CPD: variants seen among roughly 807,000 people sequenced by gnomAD.
CPD encodes carboxypeptidase D, also known as metallocarboxypeptidase D.
CPD carries 69 observed loss-of-function variants against 138.3 expected under a neutral mutation model. The observed-to-expected ratio is 0.50, with a 90% CI of 0.41 to 0.61. The LOEUF is 0.61. Among genes scored for constraint, CPD ranks in the 20% least tolerant of loss-of-function variants. The pLI, the probability that CPD is intolerant of heterozygous loss-of-function variation, is 0.00. For synonymous variants in CPD, 651 were observed against 642.1 expected (o/e 1.01, Z -0.21); for missense variants, 1,432 against 1,733.3 (o/e 0.83, Z 3.09).
intron 2 of CPD, among the ~76,000 whole-genome samples, chr17:30,405,102 C>T (rs868824558): frequency 6.6e-5 from 10 of 152,030 alleles, no homozygotes; most frequent in African/African-American, 1.9e-4. Flanking sequence ...AGGACATGCC[C>T]GGAAGACATA....
intron 2 of CPD, among the ~76,000 whole-genome samples, chr17:30,412,657 GGCTTCGTGGGT>G (rs1911996866): frequency 1.3e-5 from 2 of 152,162 alleles, no homozygotes; most frequent in African/African-American, 4.8e-5. Flanking sequence ...CAGTGAATAA[GGCTTCGTGGGT>G]GTGGGACCCA....
rs946222162 is a variant in CPD, at chr17:30,445,879, C to T, written c.2732C>T (p.Ala911Val). ...GAAACTTTAATTAAAGACCTTTCAG[C>T]GGAGAATGGTTTGGAAAGCCTCATG... ...EFETLIKDLS[A>V]ENGLESLMLR... The change falls in exon 12 of 21, where the codon GCG becomes GTG. Residue 911 changes from alanine to valine, a missense_variant. Ala to Val is a moderately conservative substitution (Grantham distance 64). Around this residue, in one of 6 missense-constraint regions of CPD, gnomAD observed 124 missense variants for 117.0 expected, o/e 1.06. Coordinates refer to ENST00000225719, the MANE Select transcript of CPD (RefSeq NM_001304.5). 19 of 1,614,100 alleles carry T rather than the reference C, an allele frequency of 1.2e-5. No individual in the cohort carries two copies. Among genetic ancestry groups the T allele is most frequent in the Non-Finnish European group, 1.4e-5 (17 of 1,179,996 alleles).
In CPD at chr17:30,422,764, A is replaced by T; in HGVS notation, c.1398A>T (p.Val466=). 1 of 1,614,110 alleles carries T rather than the reference A, an allele frequency of 6.2e-7. No homozygotes were observed. Residue 466 remains valine, a synonymous_variant, in exon 5 of 21, where the codon GTA becomes GTT. Coordinates refer to ENST00000225719, the MANE Select transcript of CPD (RefSeq NM_001304.5). ...DFSLRPTVTS[V]IPDTTEAVST... is the part of the protein sequence containing the mutation. ...CTCTTAGGCCAACTGTAACTTCAGTAATCCCTGACACGACAGAGGCTGTAT... is the reference window on the plus strand; with the variant it reads ...CTCTTAGGCCAACTGTAACTTCAGTTATCCCTGACACGACAGAGGCTGTAT...
At chr17:30,414,172 T>C (rs1297172370) in intron 2 of CPD, among the ~76,000 whole-genome samples, 1 of 152,162 alleles carries the variant, frequency 6.6e-6, no homozygotes. Flanking sequence ...CTCTGAACTG[T>C]TTTGAACAGA....
rs1234346826 is a variant in CPD at position 30,401,390 on chromosome 17, CTCT to C, written c.994+16160_994+16162del. On this transcript the variant is annotated intron_variant, in intron 2 of 20. Transcript: ENST00000225719. Reference sequence around the variant, plus strand: ...CCTCTTCCTCTTCTTCCTCCTCTTCCTCTTCTTCCTCCTCCTCTTCTTCCTCTT... The same window carrying C: ...CCTCTTCCTCTTCTTCCTCCTCTTCCTCTTCCTCCTCCTCTTCTTCCTCTT... 8.2e-5 allele frequency among the ~76,000 whole-genome samples: 12 copies of C among 147,226 alleles called. No individual in the cohort carries two copies. The South Asian group carries it at 1.3e-3, about 16-fold the overall frequency.
chr17:30,456,345 A>G lies in CPD; in HGVS notation c.3427A>G (p.Lys1143Glu). 1 of 1,614,148 alleles carries G rather than the reference A, an allele frequency of 6.2e-7. No homozygotes were observed. The highest frequency in any genetic ancestry group is 8.5e-7 in the Non-Finnish European group (1 of 1,179,960). Residue 1143 changes from lysine to glutamate, a missense_variant, in exon 16 of 21, where the codon AAA (lysine) becomes GAA (glutamate). By Grantham distance (56) the Lys-to-Glu change is moderately conservative. Around this residue, in one of 6 missense-constraint regions of CPD, gnomAD observed 366 missense variants for 518.8 expected, o/e 0.71. Coordinates refer to ENST00000225719, the MANE Select transcript of CPD (RefSeq NM_001304.5). The stretch of plus-strand genomic sequence containing the variant: ...CATGGGTCAGCCCAGTTGCCCAAAT[A>G]AATCAGGTAGATGTTTTCCATACCT... ...MHMGQPSCPNKSDENIPGGVM... is the reference protein window; with the variant it reads ...MHMGQPSCPNESDENIPGGVM...
Position 30,455,464 on chromosome 17 carries a change from C to G in CPD, c.3331C>G (p.Gln1111Glu). Reference protein sequence around the residue: ...LVTYPYDKPVQTVENKETLKH... With the variant: ...LVTYPYDKPVETVENKETLKH... ...CACATATCCTTATGACAAGCCAGTA[C>G]AGACAGGTATGTAGAATGTCATTTT... The change falls in exon 15 of 21, where the codon CAG (glutamine) becomes GAG (glutamate). Residue 1111 changes from glutamine (Q) to glutamate (E), a missense_variant. Physicochemically the swap from Gln to Glu is conservative, Grantham distance 29 (BLOSUM62 2). This residue lies in a region of CPD where 366 missense variants were observed against 518.8 expected (regional missense o/e 0.71). Transcript: ENST00000225719. 1.9e-6 allele frequency: 3 copies of G among 1,611,520 alleles called. No individual in the cohort carries two copies. The highest frequency in any genetic ancestry group is 2.5e-6 in the Non-Finnish European group (3 of 1,179,376).
At chr17:30,393,444 G>T (rs148803909) in intron 2 of CPD, among the ~76,000 whole-genome samples, 1 of 152,072 alleles carries the variant, frequency 6.6e-6, no homozygotes, top group Non-Finnish European at 1.5e-5. Flanking sequence ...AGTAACACCA[G>T]AAAATTGTAA....
At chr17:30,442,185 C>T (rs568742863) in intron 9 of CPD, 123 bp from the exon 10 acceptor site, 3 of 794,910 alleles carry the variant, frequency 3.8e-6, no homozygotes, top group East Asian at 2.6e-5. Context: ...CACATGAACA[C>T]GTTAGCTTAT....
intron 1 of CPD, among the ~76,000 whole-genome samples, chr17:30,384,017 G>A (rs1369911637): frequency 6.6e-6 from 1 of 151,884 alleles, no homozygotes; most frequent in Non-Finnish European, 1.5e-5. Flanking sequence ...TTGTAAATTG[G>A]TTCACTTAAA....
chr17:30,400,649 A>ATT (rs1911629506), intron 2 of CPD, among the ~76,000 whole-genome samples: 1 of 76,068 alleles, frequency 1.3e-5, no homozygotes, highest in Non-Finnish European at 2.5e-5. Context: ...TTTTGCCATC[A>ATT]TTCTTTTTTT....
Position 30,422,996 on chromosome 17 carries a change from T to C in CPD, c.1630T>C (p.Ser544Pro), listed in dbSNP as rs1597720048. 5 of 1,613,154 alleles carry C rather than the reference T, an allele frequency of 3.1e-6. No individual in the cohort carries two copies. The highest frequency in any genetic ancestry group is 4.2e-6 in the Non-Finnish European group (5 of 1,179,294). Residue 544 changes from serine to proline, a missense_variant, in exon 5 of 21, where the codon TCT (serine) becomes CCT (proline). This residue lies in a region of CPD where 297 missense variants were observed against 405.3 expected (regional missense o/e 0.73). Coordinates refer to ENST00000225719, the MANE Select transcript of CPD (RefSeq NM_001304.5). ...ESRELYVMEI[S>P]DNPGVHEPGE... Reference sequence around the variant, plus strand: ...AAGAGAACTTTATGTGATGGAGATATCTGATAATCCGGGTGTCCATGAACC... The same window carrying C: ...AAGAGAACTTTATGTGATGGAGATACCTGATAATCCGGGTGTCCATGAACC...
chr17:30,460,406 G>A (rs1261682291), intron 17 of CPD, among the ~76,000 whole-genome samples: 1 of 152,188 alleles, frequency 6.6e-6, no homozygotes, highest in Non-Finnish European at 1.5e-5. Flanking sequence ...ATAGTTTGGA[G>A]GAAGGAGAGA....
At chr17:30,380,625 G>A in intron 1 of CPD, 2 of 1,516,778 alleles carry the variant, frequency 1.3e-6, no homozygotes, top group Non-Finnish European at 1.8e-6. Context: ...ACAAGAGAAT[G>A]TTATAAATAT....
intron 2 of CPD, among the ~76,000 whole-genome samples, chr17:30,403,437 C>T (rs1317136220): frequency 6.6e-6 from 1 of 152,158 alleles, no homozygotes; most frequent in African/African-American, 2.4e-5. Context: ...CTCACATTCC[C>T]TCATATCTGC....
intron 2 of CPD, among the ~76,000 whole-genome samples, chr17:30,415,539 A>G (rs1422239219): frequency 6.6e-6 from 1 of 152,234 alleles, no homozygotes; most frequent in African/African-American, 2.4e-5. Flanking sequence ...TATCCAGAAT[A>G]TACAAAGAAC....
chr17:30,379,062 T>G lies in CPD; in HGVS notation c.82T>G (p.Ser28Ala). 1 of 1,560,886 alleles carries G rather than the reference T, an allele frequency of 6.4e-7. No homozygotes were observed. The highest frequency in any genetic ancestry group is 1.2e-5 in the South Asian group (1 of 86,190). Residue 28 changes from serine to alanine, a missense_variant, in exon 1 of 21, where the codon TCG becomes GCG. Coordinates refer to ENST00000225719, the MANE Select transcript of CPD (RefSeq NM_001304.5). The surrounding 1 kb of genome is among the most constrained non-coding windows in gnomAD (Gnocchi z 7.0). Reference protein sequence around the residue: ...LLMCLLLLGSSARAAHIKKAE... With the variant: ...LLMCLLLLGSAARAAHIKKAE... ...CATGTGCCTGCTGCTGCTGGGGAGC[T>G]CGGCCCGGGCGGCTCACATCAAGAA...
At chr17:30,461,507 A>G (rs1240350532) in intron 18 of CPD, among the ~76,000 whole-genome samples, 196 bp downstream of exon 18, 1 of 152,228 alleles carries the variant, frequency 6.6e-6, no homozygotes, top group South Asian at 2.1e-4. Context: ...AATTTAGGTA[A>G]TTTGACCTTG....
chr17:30,385,391 G>T (rs887918644), intron 2 of CPD, 155 bp downstream of exon 2: 4 of 891,522 alleles, frequency 4.5e-6, no homozygotes, highest in Non-Finnish European at 6.6e-6. Flanking sequence ...AAAATTGAAG[G>T]ACTACATGAA....
Sources: allele counts gnomAD v4.1 joint callset (sites outside exome capture counted in the v4.1 genomes callset), GRCh38; gene constraint gnomAD v4.1.1; regional missense constraint gnomAD v4.1.1; non-coding constraint Gnocchi (gnomAD v3.1); transcripts MANE v1.5; gene names NCBI Gene and HGNC (gene_info 2026-07-23, HGNC 2026-07-21).